The following HERC2 variants were observed in gnomAD, a reference collection of about 807,000 sequenced individuals.
HERC2 encodes HECT and RLD domain containing E3 ubiquitin protein ligase 2.
HERC2 carries 102 observed loss-of-function variants against 537.7 expected under a neutral mutation model. The observed-to-expected ratio is 0.19, with a 90% CI of 0.16 to 0.22. HERC2 has a LOEUF of 0.22. HERC2 is among the 10% of genes least tolerant of loss of function. HERC2 has a pLI of 1.00. For synonymous variants in HERC2, 2,224 were observed against 2,466.2 expected (o/e 0.90, Z 2.91); for missense variants, 4,236 against 6,198.2 (o/e 0.68, Z 10.63).
At chr15:28,277,339 A>G (rs1280047621) in intron 5 of HERC2, among the ~76,000 whole-genome samples, 1 of 152,178 alleles carries the variant, frequency 6.6e-6, no homozygotes, top group Non-Finnish European at 1.5e-5. Context: ...GCAGGCTATC[A>G]AAATTAACAC....
chr15:28,172,662 A>G (rs1027394811), intron 65 of HERC2, among the ~76,000 whole-genome samples: 2 of 152,250 alleles, frequency 1.3e-5, no homozygotes, highest in African/African-American at 4.8e-5. Flanking sequence ...CAAAACTTCT[A>G]TAACAGAACA....
intron 70 of HERC2, among the ~76,000 whole-genome samples, chr15:28,148,588 T>G (rs917044484): frequency 6.8e-6 from 1 of 147,568 alleles, no homozygotes; most frequent in African/African-American, 2.5e-5. Flanking sequence ...AACGGCCGCA[T>G]GAACGTACAT....
chr15:28,135,641 C>G lies in HERC2; in HGVS notation c.12067G>C (p.Glu4023Gln). The G allele has an allele frequency of 6.2e-7, 1 of 1,614,190 alleles. No individual in the cohort carries two copies. The change falls in exon 79 of 93, where the codon GAG becomes CAG. Residue 4023 changes from glutamate to glutamine, a missense_variant. This residue lies in a region of HERC2 where 43 missense variants were observed against 82.6 expected (regional missense o/e 0.52). Coordinates refer to ENST00000261609, the MANE Select transcript of HERC2 (RefSeq NM_004667.6). ...AGCAATGTTGGGGTGGACACCGACT[C>G]TGTCCCTCCAATGCCTAGTCTGCCA... ...AGGRLGIGGT[E>Q]SVSTPTLLES... is the part of the protein sequence containing the mutation.
chr15:28,317,657 G>A (rs1405943170), intron 2 of HERC2, among the ~76,000 whole-genome samples: 6 of 152,248 alleles, frequency 3.9e-5, no homozygotes, highest in Non-Finnish European at 8.8e-5. Context: ...GATGGTGGCA[G>A]AAGAGAGGCA....
intron 23 of HERC2, among the ~76,000 whole-genome samples, chr15:28,245,180 A>C: frequency 6.6e-6 from 1 of 152,236 alleles, no homozygotes; most frequent in Middle Eastern, 3.4e-3. Flanking sequence ...CACCTTCTGG[A>C]GGCACCAGGA....
At chr15:28,260,665 T>G (rs2075392025) in intron 16 of HERC2, 112 bp downstream of exon 16, 1 of 832,900 alleles carries the variant, frequency 1.2e-6, no homozygotes. Context: ...TTAGCACAAC[T>G]GCAGGACACA....
Position 28,214,874 on chromosome 15 carries a change from T to C in HERC2, c.6211-72A>G, listed in dbSNP as rs189224810. On this transcript the variant is annotated intron_variant, in intron 39 of 92. Coordinates refer to ENST00000261609, the MANE Select transcript of HERC2 (RefSeq NM_004667.6). The stretch of plus-strand genomic sequence containing the variant: ...GAGGAAACTACAGATTGTTATTTTT[T>C]TATTTTTTATTTTTTTGAGACAGAG... 73 of 1,294,534 alleles carry C rather than the reference T, an allele frequency of 5.6e-5. No homozygotes were observed. The African/African-American group carries it at 1.0e-3, about 18-fold the overall frequency. 80.2% of individuals were successfully genotyped at this position (1,294,534 alleles called of 1,614,324 possible).
At chr15:28,139,078 C>A (rs1890931082) in intron 78 of HERC2, among the ~76,000 whole-genome samples, 1 of 152,224 alleles carries the variant, frequency 6.6e-6, no homozygotes, top group Admixed American at 6.5e-5. Flanking sequence ...ACTTTTATAT[C>A]CACTGGGAAA....
intron 69 of HERC2, among the ~76,000 whole-genome samples, chr15:28,156,238 C>T (rs1180105045): frequency 1.3e-5 from 2 of 152,148 alleles, no homozygotes; most frequent in African/African-American, 2.4e-5. Flanking sequence ...ATTGACTTGG[C>T]AATGCGGGCT....
chr15:28,220,368 T>C (rs1246880321), intron 37 of HERC2, 84 bp downstream of exon 37: 2 of 1,263,918 alleles, frequency 1.6e-6, no homozygotes, highest in Non-Finnish European at 2.3e-6. Context: ...CATCCCATTC[T>C]AAGGCCCAGA....
intron 47 of HERC2, 122 bp from the exon 48 acceptor site, chr15:28,201,676 T>G (rs1897924973): frequency 2.9e-6 from 2 of 680,856 alleles, no homozygotes; most frequent in Non-Finnish European, 5.1e-6. Flanking sequence ...TTATTTTCTC[T>G]ATAAAAATCT....
chr15:28,120,099 TATA>T (rs1248994903), intron 86 of HERC2, among the ~76,000 whole-genome samples: 2 of 152,210 alleles, frequency 1.3e-5, no homozygotes, highest in African/African-American at 4.8e-5. Context: ...GCCTACAAGC[TATA>T]ATGTTTATGA....
chr15:28,261,304 C>T (rs9302376), intron 15 of HERC2, among the ~76,000 whole-genome samples: 12,193 of 151,890 alleles, frequency 0.08, 1,666 homozygotes, highest in African/African-American at 0.28. Context: ...TTCTCCCATC[C>T]GAGATTTAAC....
chr15:28,260,934 T>C lies in HERC2; in HGVS notation c.2159A>G (p.His720Arg). 6.2e-7 allele frequency: 1 copy of C among 1,613,952 alleles called. No individual in the cohort carries two copies. The highest frequency in any genetic ancestry group is 1.1e-5 in the South Asian group (1 of 91,054). The change falls in exon 16 of 93, where the codon CAC becomes CGC. Residue 720 changes from histidine to arginine, a missense_variant. Physicochemically the swap from His to Arg is conservative, Grantham distance 29. Around this residue, in one of 27 missense-constraint regions of HERC2, gnomAD observed 754 missense variants for 1,085.0 expected, o/e 0.69. Transcript: ENST00000261609. ...KVIDVAAGST[H>R]CLALTEDSEV... is the part of the protein sequence containing the mutation. ...GCTGTCCTCAGTCAGAGCCAGGCAG[T>C]GGGTGGAGCCTGCAGCCACATCAAT...
rs769445863 is a variant in HERC2 at position 28,214,689 on chromosome 15, G to A, written c.6324C>T (p.Leu2108=). 4.3e-6 allele frequency: 7 copies of A among 1,611,932 alleles called. No homozygotes were observed. Among genetic ancestry groups the A allele is most frequent in the African/African-American group, 1.3e-5 (1 of 74,864 alleles). ...ATGGCACGTCAGAGGAGCAGGTAGTGAGCAAGCTTCCCAAGAAGTCAAACA... is the reference window on the plus strand; with the variant it reads ...ATGGCACGTCAGAGGAGCAGGTAGTAAGCAAGCTTCCCAAGAAGTCAAACA... The part of the protein sequence containing the change: ...EKLFDFLGSL[L]TTCSSDVPLL... The change falls in exon 40 of 93, where the codon CTC becomes CTT. Residue 2108 remains leucine (L), a synonymous_variant. Transcript: ENST00000261609.
chr15:28,275,175 T>C (rs572043027), intron 5 of HERC2, among the ~76,000 whole-genome samples, 170 bp from the exon 6 acceptor site: 1 of 152,368 alleles, frequency 6.6e-6, no homozygotes, highest in South Asian at 2.1e-4. Context: ...TTTCATCAAA[T>C]GTCTTTTGTA....
intron 21 of HERC2, among the ~76,000 whole-genome samples, chr15:28,247,253 C>A (rs1223356100): frequency 6.6e-6 from 1 of 151,906 alleles, no homozygotes; most frequent in African/African-American, 2.4e-5. Context: ...GCCTCAGCCT[C>A]CTGAGTAGTT....
At chr15:28,191,898 A>C in intron 53 of HERC2, 63 bp downstream of exon 53, 1 of 1,464,826 alleles carries the variant, frequency 6.8e-7, no homozygotes, top group Non-Finnish European at 9.3e-7. Context: ...GTTCATTTTG[A>C]AAATGTACAA....
intron 69 of HERC2, among the ~76,000 whole-genome samples, chr15:28,154,228 AT>A (rs1238312127): frequency 6.6e-6 from 1 of 152,208 alleles, no homozygotes; most frequent in Non-Finnish European, 1.5e-5. Context: ...TTAGAAATAG[AT>A]TATTCTTTTT....
Sources: allele counts gnomAD v4.1 joint callset (sites outside exome capture counted in the v4.1 genomes callset), GRCh38; gene constraint gnomAD v4.1.1; regional missense constraint gnomAD v4.1.1; transcripts MANE v1.5; gene names NCBI Gene and HGNC (gene_info 2026-07-23, HGNC 2026-07-21).